The following SREK1 variants were observed in gnomAD, a reference collection of about 807,000 sequenced individuals.
The protein encoded by SREK1 is splicing regulatory glutamic acid and lysine rich protein 1, also known as splicing regulatory glutamine/lysine-rich protein 1.
SREK1 carries 13 observed loss-of-function variants against 66.5 expected under a neutral mutation model. The ratio of observed to expected loss-of-function variants is 0.20; its 90% confidence interval spans 0.13 to 0.31. The LOEUF (loss-of-function observed/expected upper bound fraction) is 0.31, where lower values mean the gene tolerates loss of function less well. SREK1 is among the 10% of genes least tolerant of loss of function. The pLI is 1.00. For missense variants in SREK1, 607 were observed against 769.6 expected (o/e 0.79, Z 2.50); for synonymous variants, 265 against 263.5 (o/e 1.01, Z -0.05).
chr5:66,178,944 A>T lies in SREK1; in HGVS notation c.*76A>T, dbSNP rs1044270754. The T allele has an allele frequency of 2.1e-6, 3 of 1,401,124 alleles. No individual in the cohort carries two copies. The highest frequency in any genetic ancestry group is 2.8e-6 in the Non-Finnish European group (3 of 1,061,802). 86.8% of individuals were successfully genotyped at this position (1,401,124 alleles called of 1,614,324 possible). A position where few individuals can be genotyped will look rare whatever the true frequency, so the allele number is the denominator to read the frequency against. ...TTAATTCTCTCAACAAGATGTAAAC[A>T]GGAAAGAAATCTAGTTGAGCATGAA... On this transcript the variant is annotated 3_prime_UTR_variant, in exon 12 of 12. Coordinates refer to ENST00000334121, the MANE Select transcript of SREK1 (RefSeq NM_001077199.3).
intron 1 of SREK1, among the ~76,000 whole-genome samples, chr5:66,147,055 TA>T (rs889983222): frequency 2.0e-5 from 3 of 151,104 alleles, no homozygotes; most frequent in East Asian, 1.9e-4. Context: ...CCCTATCTCT[TA>T]AAAAAAAATG....
intron 9 of SREK1, among the ~76,000 whole-genome samples, chr5:66,173,394 C>T (rs1447645200): frequency 6.6e-6 from 1 of 152,126 alleles, no homozygotes; most frequent in Non-Finnish European, 1.5e-5. Context: ...ACACTCTATG[C>T]TTTGCACATT....
rs1444882583 is a variant in SREK1, at chr5:66,181,764, ATC to A, written c.*2900_*2901del. On this transcript the variant is annotated 3_prime_UTR_variant, in exon 12 of 12. Transcript: ENST00000334121. ...AATTGCAAACACTAGTCAGCTTGTGATCTCTGTGTTTCAAGTTCTTTTCTTCA... is the reference window on the plus strand; with the variant it reads ...AATTGCAAACACTAGTCAGCTTGTGATCTGTGTTTCAAGTTCTTTTCTTCA... 6.6e-6 allele frequency: 1 copy of A among 151,934 alleles called. No homozygotes were observed. Among genetic ancestry groups the A allele is most frequent in the Non-Finnish European group, 1.5e-5 (1 of 67,988 alleles). The allele number at this position is 151,934 out of a possible 1,614,324, so 9.4% of individuals were successfully genotyped here.
chr5:66,164,177 CA>C, intron 6 of SREK1: 2 of 380,648 alleles, frequency 5.3e-6, no homozygotes, highest in Non-Finnish European at 4.7e-6. Context: ...TCAGTGCTCA[CA>C]AGTGATTTGC....
At chr5:66,172,203 T>A (rs1745698745) in intron 9 of SREK1, among the ~76,000 whole-genome samples, 1 of 152,230 alleles carries the variant, frequency 6.6e-6, no homozygotes. Flanking sequence ...TTTTATTGAT[T>A]CTGTGTCACA....
intron 1 of SREK1, among the ~76,000 whole-genome samples, chr5:66,149,084 T>G (rs896662938): frequency 9.2e-5 from 14 of 152,242 alleles, no homozygotes; most frequent in African/African-American, 2.9e-4. Context: ...CCGGGTGCAG[T>G]GGCCCACGCC....
intron 9 of SREK1, among the ~76,000 whole-genome samples, chr5:66,174,271 C>CCCTTAAAT (rs1160582967): frequency 6.6e-6 from 1 of 152,026 alleles, no homozygotes; most frequent in African/African-American, 2.4e-5. Context: ...ATAACGTAAT[C>CCCTTAAAT]TATTTTATAA....
At position 66,164,177 on chromosome 5, in the gene SREK1, C is replaced by G. The variant is rs1210642534; in HGVS notation, c.886+255C>G. On this transcript the variant is annotated intron_variant, in intron 6 of 11. Transcript: ENST00000334121. ...ATTTTCATAGCAAAATCAGTGCTCA[C>G]AAGTGATTTGCTGAAAGCAAAAATG... The G allele has an allele frequency of 1.3e-5, 5 of 380,648 alleles. No homozygotes were observed. In the East Asian group the frequency reaches 2.6e-4, roughly 20 times the overall value. The allele number at this position is 380,648 out of a possible 1,614,324, so 23.6% of individuals were successfully genotyped here.
chr5:66,144,824 C>T (rs1743012470), intron 1 of SREK1: 1 of 1,121,678 alleles, frequency 8.9e-7, no homozygotes. Flanking sequence ...GAATTCCGTG[C>T]CCCCACCCTC....
chr5:66,155,951 G>A (rs1276068716), intron 2 of SREK1: 1 of 1,432,404 alleles, frequency 7.0e-7, no homozygotes, highest in African/African-American at 1.4e-5. Flanking sequence ...AACATAACAA[G>A]GGTGTCAGCC....
At chr5:66,165,962 C>T (rs1158444044) in intron 7 of SREK1, 1 of 152,196 alleles carries the variant, frequency 6.6e-6, no homozygotes, top group Non-Finnish European at 1.5e-5. Context: ...AACAAGTATA[C>T]ACCAGATATA....
In SREK1 at chr5:66,179,519, T is replaced by A. The variant is rs563756942; in HGVS notation, c.*651T>A. The stretch of plus-strand genomic sequence containing the variant: ...AAACTGACAATGCATGCTACTGTTC[T>A]CTTTCAAAAGGAAGAGCAACCGTGT... On this transcript the variant is annotated 3_prime_UTR_variant, in exon 12 of 12. Coordinates refer to ENST00000334121, the MANE Select transcript of SREK1 (RefSeq NM_001077199.3). The A allele has an allele frequency of 6.5e-6, 1 of 152,688 alleles. No homozygotes were observed. Among genetic ancestry groups the A allele is most frequent in the South Asian group, 2.1e-4 (1 of 4,834 alleles). The allele number at this position is 152,688 out of a possible 1,614,324, so 9.5% of individuals were successfully genotyped here.
chr5:66,165,927 G>A (rs1392279114), intron 7 of SREK1: 2 of 152,124 alleles, frequency 1.3e-5, no homozygotes, highest in Non-Finnish European at 2.9e-5. Flanking sequence ...AGGAAAAATA[G>A]GATGTTCTTT....
chr5:66,159,128 A>T (rs773793223), intron 2 of SREK1, 91 bp from the exon 3 acceptor site: 7 of 1,466,944 alleles, frequency 4.8e-6, no homozygotes, highest in Non-Finnish European at 5.4e-6. Context: ...TATTATTATT[A>T]TTTTTTAACT....
intron 1 of SREK1, 131 bp downstream of exon 1, chr5:66,144,668 C>T: frequency 7.1e-7 from 1 of 1,403,506 alleles, no homozygotes; most frequent in Non-Finnish European, 9.3e-7. Context: ...CCTTGGTGCC[C>T]ATATTTGATT....
In SREK1 at chr5:66,181,030, C is replaced by G. The variant is rs975331206; in HGVS notation, c.*2162C>G. On this transcript the variant is annotated 3_prime_UTR_variant, in exon 12 of 12. Transcript: ENST00000334121. ...TTTAAAGTATGAGTGTTTTCTTGTA[C>G]TCTGGACCTATTACATGTTTCTTTA... The G allele has an allele frequency of 1.3e-5, 2 of 152,120 alleles. No homozygotes were observed. Among genetic ancestry groups the G allele is most frequent in the Non-Finnish European group, 2.9e-5 (2 of 68,004 alleles). 9.4% of individuals were successfully genotyped at this position (152,120 alleles called of 1,614,324 possible).
intron 7 of SREK1, chr5:66,166,877 T>A (rs1313514800): frequency 6.6e-6 from 1 of 152,102 alleles, no homozygotes; most frequent in East Asian, 1.9e-4. Context: ...AGAGAATGAG[T>A]TATCTTTAAA....
At chr5:66,174,629 G>A (rs1011049209) in intron 9 of SREK1, 1 of 185,846 alleles carries the variant, frequency 5.4e-6, no homozygotes, top group African/African-American at 2.4e-5. Flanking sequence ...CTTGAGAGAA[G>A]CAGAAACGCC....
intron 1 of SREK1, chr5:66,144,780 T>A: frequency 8.2e-7 from 1 of 1,217,272 alleles, no homozygotes; most frequent in Non-Finnish European, 1.0e-6. Context: ...GCCCTTTCTG[T>A]GCCTCCGGGA....
Sources: allele counts gnomAD v4.1 joint callset (sites outside exome capture counted in the v4.1 genomes callset), GRCh38; gene constraint gnomAD v4.1.1; transcripts MANE v1.5; gene names NCBI Gene and HGNC (gene_info 2026-07-23, HGNC 2026-07-21).